MARCHF1: variants seen among roughly 807,000 people sequenced by gnomAD.
MARCHF1 encodes E3 ubiquitin-protein ligase MARCHF1.
In MARCHF1, 40 loss-of-function variants were observed where a neutral mutation model predicts 54.2. That is an observed-to-expected ratio of 0.74 (90% CI 0.57 to 0.96). MARCHF1 has a LOEUF of 0.96. Ranked by LOEUF, MARCHF1 falls within the 40% of genes least tolerant of loss-of-function variation. The probability of loss-of-function intolerance (pLI) is 0.00; values close to 1 mark genes in which losing one functional copy is unlikely to be tolerated. For synonymous variants in MARCHF1, 236 were observed against 236.3 expected, an observed-to-expected ratio of 1.00 and a Z score of 0.01; for missense variants, 586 against 656.5, an observed-to-expected ratio of 0.89 and a Z score of 1.17.
chr4:163,728,512 C>T (rs1561044316), intron 4 of MARCHF1, among the ~76,000 whole-genome samples: 2 of 152,090 alleles, frequency 1.3e-5, no homozygotes, highest in African/African-American at 2.4e-5. Context: ...TCTTCCCCCC[C>T]ATACTTTTGT....
intron 3 of MARCHF1, among the ~76,000 whole-genome samples, chr4:163,854,405 CTCTT>C (rs1749715696): frequency 6.6e-6 from 1 of 152,228 alleles, no homozygotes; most frequent in South Asian, 2.1e-4. Context: ...TTTTATATCT[CTCTT>C]TGTGACACTA....
intron 1 of MARCHF1, among the ~76,000 whole-genome samples, chr4:164,280,098 T>G (rs1015621957): frequency 1.3e-5 from 2 of 151,954 alleles, no homozygotes; most frequent in Non-Finnish European, 2.9e-5. Flanking sequence ...CCCTGTTTTA[T>G]AGAGGTTAAA....
At chr4:164,368,482 G>A (rs758550797) in intron 1 of MARCHF1, among the ~76,000 whole-genome samples, 1 of 151,966 alleles carries the variant, frequency 6.6e-6, no homozygotes, top group East Asian at 1.9e-4. Flanking sequence ...AATCATACAA[G>A]CTTTTCCATA....
At chr4:163,810,929 T>C (rs1748366604) in intron 4 of MARCHF1, among the ~76,000 whole-genome samples, 1 of 152,168 alleles carries the variant, frequency 6.6e-6, no homozygotes, top group African/African-American at 2.4e-5. Context: ...GATACTTCCG[T>C]CAATGCCAGG....
intron 8 of MARCHF1, among the ~76,000 whole-genome samples, chr4:163,546,594 T>C (rs1014742095): frequency 1.3e-5 from 2 of 152,192 alleles, no homozygotes; most frequent in African/African-American, 4.8e-5. Context: ...AAAGTCAACA[T>C]TTTCTGTTCA....
At chr4:164,243,096 G>A (rs1732825522) in intron 1 of MARCHF1, among the ~76,000 whole-genome samples, 200 of 119,776 alleles carry the variant, frequency 1.7e-3, no homozygotes, top group African/African-American at 6.6e-3. Flanking sequence ...TAGCAAGGCA[G>A]GCCAACGTTC....
chr4:163,542,156 G>T (rs1178809273), intron 9 of MARCHF1, among the ~76,000 whole-genome samples: 1 of 152,178 alleles, frequency 6.6e-6, no homozygotes, highest in Non-Finnish European at 1.5e-5. Context: ...TTGTCATGAA[G>T]AGTCCACTGG....
chr4:163,820,359 T>C (rs1473830627), intron 4 of MARCHF1, among the ~76,000 whole-genome samples: 1 of 152,066 alleles, frequency 6.6e-6, no homozygotes, highest in African/African-American at 2.4e-5. Context: ...TCTCTGCCTA[T>C]TGTAAAGTTC....
At chr4:164,083,798 C>T (rs1032405076) in intron 2 of MARCHF1, among the ~76,000 whole-genome samples, 1 of 151,958 alleles carries the variant, frequency 6.6e-6, no homozygotes, top group Non-Finnish European at 1.5e-5. Context: ...GAAGAATAAA[C>T]CTAAATTGAC....
At chr4:163,702,916 CG>C (rs1450601344) in intron 4 of MARCHF1, among the ~76,000 whole-genome samples, 1 of 151,982 alleles carries the variant, frequency 6.6e-6, no homozygotes, top group East Asian at 1.9e-4. Context: ...AAAGTTAACA[CG>C]TGGTAGGACA....
intron 4 of MARCHF1, among the ~76,000 whole-genome samples, chr4:163,741,895 A>G (rs1273540560): frequency 6.6e-6 from 1 of 152,208 alleles, no homozygotes; most frequent in African/African-American, 2.4e-5. Context: ...AATGTTTTCC[A>G]TTATGATAAT....
At chr4:164,052,637 C>T (rs1484568841) in intron 2 of MARCHF1, among the ~76,000 whole-genome samples, 2 of 152,160 alleles carry the variant, frequency 1.3e-5, no homozygotes, top group Non-Finnish European at 2.9e-5. Flanking sequence ...GGCTCTGACA[C>T]AGACGTACTG....
chr4:163,990,494 A>G (rs997206613), intron 2 of MARCHF1, among the ~76,000 whole-genome samples: 1 of 152,214 alleles, frequency 6.6e-6, no homozygotes. Flanking sequence ...TAGTTTTAAA[A>G]AATAGGTGCC....
intron 1 of MARCHF1, among the ~76,000 whole-genome samples, chr4:164,244,136 C>T (rs200603483): frequency 0.24 from 36,265 of 151,656 alleles, 4,859 homozygotes; most frequent in Admixed American, 0.42. Flanking sequence ...CTCTCCACCC[C>T]AAATCAACAG....
At chr4:164,265,218 CAAT>C (rs1733578545) in intron 1 of MARCHF1, among the ~76,000 whole-genome samples, 1 of 151,912 alleles carries the variant, frequency 6.6e-6, no homozygotes, top group East Asian at 1.9e-4. Context: ...AAACTATTGA[CAAT>C]AAGTCTGTAT....
intron 4 of MARCHF1, among the ~76,000 whole-genome samples, chr4:163,745,425 T>C (rs1298656634): frequency 6.6e-6 from 1 of 152,110 alleles, no homozygotes; most frequent in African/African-American, 2.4e-5. Flanking sequence ...CATGCTTGTT[T>C]TTTAAGGCAC....
At chr4:163,798,131 A>G (rs1561083044) in intron 4 of MARCHF1, among the ~76,000 whole-genome samples, 1 of 152,204 alleles carries the variant, frequency 6.6e-6, no homozygotes, top group Non-Finnish European at 1.5e-5. Flanking sequence ...TAGGGAAATA[A>G]TTAAGGTTAA....
chr4:163,725,100 G>A (rs946262531), intron 4 of MARCHF1, among the ~76,000 whole-genome samples: 47 of 152,240 alleles, frequency 3.1e-4, no homozygotes, highest in African/African-American at 1.1e-3. Context: ...CGTCGCTCAC[G>A]CTGGGAGCTG....
At chr4:164,108,240 A>G (rs1358284801) in intron 2 of MARCHF1, among the ~76,000 whole-genome samples, 1 of 152,108 alleles carries the variant, frequency 6.6e-6, no homozygotes, top group East Asian at 1.9e-4. Context: ...TGAGGATTTC[A>G]ATACCTTTAA....
Sources: allele counts gnomAD v4.1 joint callset (sites outside exome capture counted in the v4.1 genomes callset), GRCh38; gene constraint gnomAD v4.1.1; transcripts MANE v1.5; gene names NCBI Gene and HGNC (gene_info 2026-07-23, HGNC 2026-07-21).